Variants in ADGRL3 observed in about 807,000 individuals in gnomAD.
ADGRL3 encodes adhesion G protein-coupled receptor L3.
In ADGRL3, 62 loss-of-function variants were observed where a neutral mutation model predicts 153.5. The observed-to-expected ratio is 0.40, with a 90% confidence interval of 0.33 to 0.50. The LOEUF (loss-of-function observed/expected upper bound fraction) is 0.50, where lower values mean the gene tolerates loss of function less well. ADGRL3 is among the 20% of genes least tolerant of loss of function. ADGRL3 has a pLI of 0.47. For synonymous variants in ADGRL3, 710 were observed against 672.5 expected (o/e 1.06, Z -0.86); for missense variants, 1,641 against 1,859.4 (o/e 0.88, Z 2.16).
intron 5 of ADGRL3, among the ~76,000 whole-genome samples, chr4:61,632,390 G>A (rs952352380): frequency 6.6e-6 from 1 of 152,124 alleles, no homozygotes. Context: ...ATGAAAGAAA[G>A]CAATAGTCAT....
chr4:62,017,827 C>G (rs1308981740), intron 21 of ADGRL3, among the ~76,000 whole-genome samples: 1 of 152,022 alleles, frequency 6.6e-6, no homozygotes, highest in Non-Finnish European at 1.5e-5. Flanking sequence ...CTCTAAGTAA[C>G]CCTTTGTTGA....
At chr4:61,299,157 T>TC (rs959809031) in intron 1 of ADGRL3, among the ~76,000 whole-genome samples, 1 of 151,778 alleles carries the variant, frequency 6.6e-6, no homozygotes, top group Non-Finnish European at 1.5e-5. Context: ...GTCCCCATCT[T>TC]CCCCCCCTTT....
At chr4:61,977,972 G>A (rs577047358) in intron 17 of ADGRL3, among the ~76,000 whole-genome samples, 59 of 152,018 alleles carry the variant, frequency 3.9e-4, no homozygotes, top group South Asian at 1.7e-3. Flanking sequence ...GTAGTCCCAA[G>A]TTTCTATCGT....
rs965320862 is a variant in ADGRL3 at position 61,338,218 on chromosome 4, C to T, written c.-239-44906C>T. Among the ~76,000 whole-genome samples the T allele has an allele frequency of 2.0e-5, 3 of 151,448 alleles. No individual in the cohort carries two copies. In the South Asian group the frequency reaches 6.3e-4, roughly 32 times the overall value. On this transcript the variant is annotated intron_variant, in intron 1 of 26. Transcript: ENST00000683033. ...CCTAGGAGGAAGAAGCTGTAGTGAG[C>T]TGAGATTATGCCACCGCACTCCAGC...
chr4:61,706,378 C>T (rs564816393), intron 6 of ADGRL3, among the ~76,000 whole-genome samples: 22 of 149,420 alleles, frequency 1.5e-4, no homozygotes, highest in Admixed American at 9.4e-4. Context: ...GCCGAGATTG[C>T]GCCACTGCAC....
intron 2 of ADGRL3, among the ~76,000 whole-genome samples, chr4:61,438,039 T>C (rs1000496127): frequency 1.3e-5 from 2 of 152,208 alleles, no homozygotes; most frequent in Non-Finnish European, 2.9e-5. Context: ...GTACCTTGTT[T>C]TTCCTGGCTT....
intron 2 of ADGRL3, among the ~76,000 whole-genome samples, chr4:61,435,436 G>A (rs1578844724): frequency 6.6e-6 from 1 of 152,008 alleles, no homozygotes; most frequent in East Asian, 1.9e-4. Flanking sequence ...GAAGCGTATG[G>A]ATTCATCATA....
At chr4:61,867,515 C>CATATATATATATATATATATATTTATAT (rs2098408337) in intron 9 of ADGRL3, among the ~76,000 whole-genome samples, 1 of 81,140 alleles carries the variant, frequency 1.2e-5, no homozygotes, top group Non-Finnish European at 2.7e-5. Context: ...AATATATATG[C>CATATATATATATATATATATATTTATAT]ATATATATAT....
chr4:61,325,691 T>TATC (rs1371411550), intron 1 of ADGRL3, among the ~76,000 whole-genome samples: 1 of 152,218 alleles, frequency 6.6e-6, no homozygotes, highest in African/African-American at 2.4e-5. Flanking sequence ...AAGTCTTTGT[T>TATC]ATCTTTCCTG....
intron 25 of ADGRL3, among the ~76,000 whole-genome samples, chr4:62,066,357 C>CT (rs1166491832): frequency 6.6e-6 from 1 of 151,898 alleles, no homozygotes. Flanking sequence ...TAGAAGCATT[C>CT]TTTTTTAAAG....
chr4:61,323,959 C>G (rs1050690935), intron 1 of ADGRL3, among the ~76,000 whole-genome samples: 2 of 152,150 alleles, frequency 1.3e-5, no homozygotes, highest in African/African-American at 4.8e-5. Context: ...GTTTATTGGA[C>G]TTACAGTTTC....
rs1734388663 is a variant in ADGRL3 at position 61,200,723 on chromosome 4, C to T, written c.-1282C>T. On this transcript the variant is annotated 5_prime_UTR_variant, in exon 1 of 27. Transcript: ENST00000683033. ...TCGTGTGTGCGCGTGTGTGAGTGTG[C>T]GTGTCTGGAGAGCGCCAGTGCCTCG... Among the ~76,000 whole-genome samples the T allele has an allele frequency of 6.6e-6, 1 of 152,016 alleles. No homozygotes were observed. The highest frequency in any genetic ancestry group is 6.5e-5 in the Admixed American group (1 of 15,276).
intron 2 of ADGRL3, among the ~76,000 whole-genome samples, chr4:61,408,014 A>G (rs934973750): frequency 6.6e-6 from 1 of 152,100 alleles, no homozygotes; most frequent in African/African-American, 2.4e-5. Flanking sequence ...ATATTACGTC[A>G]TTTCTGAAAT....
chr4:61,521,122 G>A (rs1034702291), intron 4 of ADGRL3, among the ~76,000 whole-genome samples: 2 of 152,134 alleles, frequency 1.3e-5, no homozygotes, highest in East Asian at 1.9e-4. Flanking sequence ...ACCTATTATA[G>A]GGGTGAGAAT....
intron 6 of ADGRL3, 30 bp downstream of exon 6, chr4:61,676,965 A>G (rs1000308652): frequency 1.5e-6 from 2 of 1,372,168 alleles, no homozygotes; most frequent in Non-Finnish European, 1.0e-6. Context: ...TTTCTTGGCA[A>G]GAGAAAAGAT....
At chr4:61,527,082 T>G (rs2098568134) in intron 4 of ADGRL3, among the ~76,000 whole-genome samples, 1 of 152,110 alleles carries the variant, frequency 6.6e-6, no homozygotes, top group African/African-American at 2.4e-5. Flanking sequence ...TATATTCATC[T>G]TTATTTCTGC....
chr4:61,753,639 C>A (rs943841678), intron 8 of ADGRL3, among the ~76,000 whole-genome samples: 2 of 152,132 alleles, frequency 1.3e-5, no homozygotes, highest in Admixed American at 1.3e-4. Flanking sequence ...GTCTACTTTA[C>A]AGAGACATAA....
At chr4:61,630,950 C>A (rs1480753735) in intron 5 of ADGRL3, among the ~76,000 whole-genome samples, 1 of 152,120 alleles carries the variant, frequency 6.6e-6, no homozygotes, top group Non-Finnish European at 1.5e-5. Context: ...ATTCTGAGTG[C>A]TAAATAAATG....
intron 8 of ADGRL3, among the ~76,000 whole-genome samples, chr4:61,793,917 A>T (rs2152448435): frequency 6.6e-6 from 1 of 152,342 alleles, no homozygotes; most frequent in East Asian, 1.9e-4. Context: ...TTAATTTCAA[A>T]AAAGAAAAAT....
Sources: allele counts gnomAD v4.1 joint callset (sites outside exome capture counted in the v4.1 genomes callset), GRCh38; gene constraint gnomAD v4.1.1; transcripts MANE v1.5; gene names NCBI Gene and HGNC (gene_info 2026-07-23, HGNC 2026-07-21).